The following PARN variants were observed in gnomAD, a reference collection of about 807,000 sequenced individuals.
PARN encodes the protein poly(A)-specific ribonuclease PARN.
In PARN, 71 loss-of-function variants were observed where a neutral mutation model predicts 102.8. The observed-to-expected ratio is 0.69, with a 90% CI of 0.57 to 0.84. The LOEUF is 0.84. Among genes scored for constraint, PARN ranks in the 40% least tolerant of loss-of-function variants. The probability of loss-of-function intolerance (pLI) is 0.00; values close to 1 mark genes in which losing one functional copy is unlikely to be tolerated. For missense variants in PARN, 782 were observed against 760.9 expected (o/e 1.03, Z -0.33); for synonymous variants, 261 against 252.9 (o/e 1.03, Z -0.30).
At chr16:14,542,672 A>C (rs1966848880) in intron 21 of PARN, among the ~76,000 whole-genome samples, 1 of 152,164 alleles carries the variant, frequency 6.6e-6, no homozygotes, top group Non-Finnish European at 1.5e-5. Context: ...ACATAACTAA[A>C]GTATACAATA....
chr16:14,440,067 T>C (rs778811498), intron 23 of PARN, among the ~76,000 whole-genome samples: 4 of 150,926 alleles, frequency 2.7e-5, no homozygotes, highest in Non-Finnish European at 4.4e-5. Context: ...AACAACAAAA[T>C]GAAAAGAAAA....
intron 10 of PARN, 39 bp downstream of exon 10, chr16:14,606,445 A>C: frequency 8.7e-7 from 1 of 1,154,438 alleles, no homozygotes; most frequent in Non-Finnish European, 1.3e-6. Context: ...GTAACAATGG[A>C]TGTGTTTAAT....
intron 21 of PARN, among the ~76,000 whole-genome samples, chr16:14,507,651 T>C (rs941572125): frequency 2.6e-5 from 4 of 152,024 alleles, no homozygotes; most frequent in African/African-American, 9.7e-5. Context: ...ATTGCACCAC[T>C]GCACTCCAGC....
At chr16:14,573,558 C>A (rs747289331) in intron 18 of PARN, among the ~76,000 whole-genome samples, 5 of 152,234 alleles carry the variant, frequency 3.3e-5, no homozygotes, top group Non-Finnish European at 7.3e-5. Flanking sequence ...AAATCTCATA[C>A]AATCCTTATA....
intron 13 of PARN, among the ~76,000 whole-genome samples, chr16:14,591,513 T>C (rs1445864338): frequency 6.6e-6 from 1 of 152,216 alleles, no homozygotes; most frequent in African/African-American, 2.4e-5. Context: ...AACACGGCTA[T>C]GCCAATTGGT....
In PARN at chr16:14,599,911, G is replaced by C. The variant is rs1483105090; in HGVS notation, c.833C>G (p.Ala278Gly). ...AAAGTCTGGCTCACTTACCGAATTA[G>C]CAATGGCGTGAATGACTCTAGAAAA... ...VGFSRVIHAI[A>G]NSGKLVIGHN... The change falls in exon 12 of 24, where the codon GCT becomes GGT. Residue 278 changes from alanine (A) to glycine (G), a missense_variant. Ala to Gly is a moderately conservative substitution (Grantham distance 60). Transcript: ENST00000437198. The C allele has an allele frequency of 1.3e-6, 2 of 1,599,594 alleles. No individual in the cohort carries two copies. Among genetic ancestry groups the C allele is most frequent in the Non-Finnish European group, 1.7e-6 (2 of 1,171,230 alleles).
intron 3 of PARN, 27 bp from the exon 4 acceptor site, chr16:14,627,363 CA>C: frequency 6.6e-7 from 1 of 1,522,054 alleles, no homozygotes. Flanking sequence ...AAACATCTGT[CA>C]CAAAAGTGCT....
chr16:14,562,432 C>T (rs1417478038), intron 18 of PARN, among the ~76,000 whole-genome samples: 2 of 104,758 alleles, frequency 1.9e-5, no homozygotes, highest in Non-Finnish European at 3.7e-5. Context: ...GACTCTGTCT[C>T]GAAAAAAAAA....
intron 22 of PARN, among the ~76,000 whole-genome samples, chr16:14,469,729 C>T (rs1006880423): frequency 3.3e-5 from 5 of 150,060 alleles, no homozygotes; most frequent in African/African-American, 4.9e-5. Flanking sequence ...AAAAGAACTA[C>T]GAGGAAAATG....
At chr16:14,491,272 T>A (rs545747604) in intron 21 of PARN, among the ~76,000 whole-genome samples, 2 of 150,898 alleles carry the variant, frequency 1.3e-5, no homozygotes, top group South Asian at 2.1e-4. Flanking sequence ...CCAACTGGTG[T>A]ACCAGCAAGT....
intron 12 of PARN, among the ~76,000 whole-genome samples, chr16:14,596,304 T>A (rs1292638978): frequency 6.6e-6 from 1 of 151,000 alleles, no homozygotes; most frequent in Admixed American, 6.6e-5. Flanking sequence ...TCAAAGAAGC[T>A]CCAATGGCCA....
chr16:14,473,857 G>A (rs1418009870), intron 22 of PARN, among the ~76,000 whole-genome samples: 2 of 152,132 alleles, frequency 1.3e-5, no homozygotes, highest in East Asian at 3.9e-4. Context: ...CGGCAAAACG[G>A]GCTGAGTACA....
At chr16:14,479,871 GAAATGGGTCATGACCT>G (rs1207904266) in intron 22 of PARN, among the ~76,000 whole-genome samples, 1 of 147,668 alleles carries the variant, frequency 6.8e-6, no homozygotes, top group Non-Finnish European at 1.5e-5. Flanking sequence ...CAATTAATTT[GAAATGGGTCATGACCT>G]AAATGTAAAA....
chr16:14,447,019 A>C lies in PARN; in HGVS notation c.1733T>G (p.Leu578Arg), dbSNP rs748575531. The C allele has an allele frequency of 8.7e-5, 140 of 1,613,790 alleles. 1 individual carries two copies. In the South Asian group the frequency reaches 1.4e-3, roughly 16 times the overall value. Residue 578 changes from leucine to arginine, a missense_variant, in exon 23 of 24, where the codon CTG (leucine) becomes CGG (arginine). Coordinates refer to ENST00000437198, the MANE Select transcript of PARN (RefSeq NM_002582.4). The stretch of plus-strand genomic sequence containing the variant: ...AATCTCCCCTGACACTCCGTCCTCC[A>C]GGCCAGCTTCCTCTTGACTAGGACT... Reference protein sequence around the residue: ...NLSPSQEEAGLEDGVSGEISD... With the variant: ...NLSPSQEEAGREDGVSGEISD...
chr16:14,544,021 C>T (rs148348041), intron 21 of PARN, among the ~76,000 whole-genome samples: 8,178 of 152,174 alleles, frequency 0.054, 287 homozygotes, highest in Non-Finnish European at 0.084. Flanking sequence ...ATGGAGAAAC[C>T]GTCTCTACTA....
intron 19 of PARN, among the ~76,000 whole-genome samples, chr16:14,554,818 C>T (rs1012459322): frequency 3.3e-5 from 5 of 151,926 alleles, no homozygotes; most frequent in African/African-American, 1.2e-4. Flanking sequence ...TTTAACTTTC[C>T]CATTTTAATA....
At chr16:14,451,866 ATAC>A (rs370699595) in intron 22 of PARN, among the ~76,000 whole-genome samples, 827 of 61,048 alleles carry the variant, frequency 0.014, 54 homozygotes, top group East Asian at 0.053. Flanking sequence ...AAAAAAAAAA[ATAC>A]AAAAAAAAAA....
intron 5 of PARN, among the ~76,000 whole-genome samples, chr16:14,622,357 CAG>C (rs1333183823): frequency 1.4e-4 from 22 of 152,216 alleles, no homozygotes; most frequent in African/African-American, 5.1e-4. Context: ...ATACTGAACA[CAG>C]ATGTTGACTA....
intron 13 of PARN, chr16:14,591,976 T>C (rs952006580): frequency 1.3e-5 from 2 of 151,586 alleles, no homozygotes; most frequent in African/African-American, 4.9e-5. Flanking sequence ...AGGCGGATGT[T>C]GCAGGGAGCC....
Sources: allele counts gnomAD v4.1 joint callset (sites outside exome capture counted in the v4.1 genomes callset), GRCh38; gene constraint gnomAD v4.1.1; transcripts MANE v1.5; gene names NCBI Gene and HGNC (gene_info 2026-07-23, HGNC 2026-07-21).